Variants in LRIG1 observed in about 807,000 individuals in gnomAD.
The protein encoded by LRIG1 is leucine-rich repeats and immunoglobulin-like domains protein 1.
A neutral mutation model predicts 99.2 loss-of-function variants in LRIG1; 48 were observed. The observed-to-expected ratio is 0.48, with a 90% CI of 0.38 to 0.62. LRIG1 has a LOEUF of 0.62. Ranked by LOEUF, LRIG1 falls within the 20% of genes least tolerant of loss-of-function variation. The pLI is 0.00. For missense variants in LRIG1, 1,646 were observed against 1,434.4 expected (o/e 1.15, Z -2.38); for synonymous variants, 772 against 596.1 (o/e 1.29, Z -4.30).
intron 3 of LRIG1, among the ~76,000 whole-genome samples, chr3:66,445,274 G>GTT (rs112630334): frequency 6.8e-6 from 1 of 146,186 alleles, no homozygotes; most frequent in African/African-American, 2.5e-5. Context: ...TAAAAGTAAG[G>GTT]TTTTTTTTTT....
intron 1 of LRIG1, among the ~76,000 whole-genome samples, chr3:66,472,032 T>C (rs566092648): frequency 1.3e-5 from 2 of 151,768 alleles, no homozygotes; most frequent in East Asian, 3.9e-4. Flanking sequence ...GGGCCAGGCG[T>C]GGTGGCTCAT....
chr3:66,424,419 C>A (rs546539604), intron 3 of LRIG1, among the ~76,000 whole-genome samples: 3 of 152,314 alleles, frequency 2.0e-5, no homozygotes, highest in African/African-American at 7.2e-5. Flanking sequence ...TTCCCACCTC[C>A]TGCCTGAGAG....
intron 8 of LRIG1, chr3:66,405,869 C>A: frequency 9.2e-7 from 1 of 1,089,844 alleles, no homozygotes; most frequent in South Asian, 2.3e-5. Flanking sequence ...TCGCCAGGAT[C>A]AGAGGGATGA....
At chr3:66,418,240 T>C (rs1481671716) in intron 3 of LRIG1, among the ~76,000 whole-genome samples, 7 of 152,270 alleles carry the variant, frequency 4.6e-5, no homozygotes, top group East Asian at 3.9e-4. Flanking sequence ...TACAGGCACG[T>C]GCCACCACAC....
At chr3:66,447,651 G>A (rs1703770822) in intron 3 of LRIG1, among the ~76,000 whole-genome samples, 1 of 152,134 alleles carries the variant, frequency 6.6e-6, no homozygotes, top group Admixed American at 6.5e-5. Flanking sequence ...CCAACCCTAT[G>A]GGTAATATGC....
At chr3:66,382,560 C>T (rs1701140578) in intron 15 of LRIG1, among the ~76,000 whole-genome samples, 162 bp from the exon 16 acceptor site, 1 of 146,214 alleles carries the variant, frequency 6.8e-6, no homozygotes, top group Non-Finnish European at 1.5e-5. Context: ...CCTCCCAGAG[C>T]CTGCTCAGCT....
In LRIG1 at chr3:66,500,268, C is replaced by T. The variant is rs749413557; in HGVS notation, c.140G>A (p.Cys47Tyr). The change falls in exon 1 of 19, where the codon TGC becomes TAC. Residue 47 changes from cysteine (C) to tyrosine (Y), a missense_variant. Transcript: ENST00000273261. Reference protein sequence around the residue: ...PRAPCAAACTCAGDSLDCGGR... With the variant: ...PRAPCAAACTYAGDSLDCGGR... ...ACCGCAGTCCAGCGAGTCCCCAGCG[C>T]AAGTGCAGGCGGCCGCGCAGGGCGC... 1.3e-5 allele frequency: 19 copies of T among 1,499,444 alleles called. No individual in the cohort carries two copies. In the East Asian group the frequency reaches 5.0e-4, roughly 39 times the overall value. The allele number at this position is 1,499,444 out of a possible 1,614,324, so 92.9% of individuals were successfully genotyped here.
chr3:66,394,095 T>C lies in LRIG1; in HGVS notation c.1413A>G (p.Pro471=). 1 of 1,614,128 alleles carries C rather than the reference T, an allele frequency of 6.2e-7. No individual in the cohort carries two copies. The highest frequency in any genetic ancestry group is 8.5e-7 in the Non-Finnish European group (1 of 1,180,002). Residue 471 remains proline (P), a synonymous_variant, in exon 12 of 19, where the codon CCA becomes CCG. Coordinates refer to ENST00000273261, the MANE Select transcript of LRIG1 (RefSeq NM_015541.3). ...AAATGCTCTGACCCTTCAGTGATTC[T>C]GGGTGGGCACAGGTGGCTGTCACAA... ...QAFVTATCAH[P]ESLKGQSIFS... is the part of the protein sequence containing the mutation.
At chr3:66,492,871 A>G (rs751798398) in intron 1 of LRIG1, among the ~76,000 whole-genome samples, 2 of 152,198 alleles carry the variant, frequency 1.3e-5, no homozygotes, top group Non-Finnish European at 2.9e-5. Flanking sequence ...AATCATGGCC[A>G]TTCACTGGGG....
chr3:66,427,139 T>G (rs1183679795), intron 3 of LRIG1, among the ~76,000 whole-genome samples: 3 of 152,198 alleles, frequency 2.0e-5, no homozygotes, highest in Non-Finnish European at 4.4e-5. Flanking sequence ...ACAGGTTTCA[T>G]CAAACTCCAC....
At chr3:66,459,683 T>C (rs907641316) in intron 2 of LRIG1, among the ~76,000 whole-genome samples, 1 of 152,204 alleles carries the variant, frequency 6.6e-6, no homozygotes, top group Non-Finnish European at 1.5e-5. Context: ...CTCAACTTAA[T>C]GTAAACTCAG....
chr3:66,386,750 A>T (rs548084026), intron 12 of LRIG1: 7 of 153,578 alleles, frequency 4.6e-5, no homozygotes, highest in Admixed American at 3.9e-4. Flanking sequence ...ACCTCCATTA[A>T]AACAAGGAAA....
intron 18 of LRIG1, 39 bp downstream of exon 18, chr3:66,380,537 CA>C (rs776013494): frequency 6.2e-7 from 1 of 1,613,424 alleles, no homozygotes; most frequent in Non-Finnish European, 8.5e-7. Flanking sequence ...ACCGTTTAAG[CA>C]GCTCCCAACC....
intron 9 of LRIG1, 44 bp downstream of exon 9, chr3:66,405,154 G>A (rs1702218184): frequency 6.4e-7 from 1 of 1,556,906 alleles, no homozygotes; most frequent in Admixed American, 1.7e-5. Context: ...ACCCAAGTGT[G>A]TCCCGCGCAT....
chr3:66,421,480 G>C (rs146086744), intron 3 of LRIG1, among the ~76,000 whole-genome samples: 1 of 152,050 alleles, frequency 6.6e-6, no homozygotes, highest in Non-Finnish European at 1.5e-5. Context: ...AAAATCCAGC[G>C]GGGCAGTCAT....
chr3:66,395,087 TC>T (rs1268458266), intron 11 of LRIG1, among the ~76,000 whole-genome samples: 1 of 151,938 alleles, frequency 6.6e-6, no homozygotes, highest in African/African-American at 2.4e-5. Flanking sequence ...CAACCAAGAG[TC>T]TAGCTGCCTT....
chr3:66,483,729 A>T (rs1322515560), intron 1 of LRIG1, among the ~76,000 whole-genome samples: 1 of 152,220 alleles, frequency 6.6e-6, no homozygotes, highest in Admixed American at 6.5e-5. Context: ...TCAACTCTGG[A>T]AAAGCAGGCT....
chr3:66,382,111 G>C (rs369956464), intron 16 of LRIG1, among the ~76,000 whole-genome samples, 162 bp downstream of exon 16: 2 of 152,268 alleles, frequency 1.3e-5, no homozygotes, highest in African/African-American at 4.8e-5. Context: ...AACTCATGAA[G>C]ACTGGGTCCA....
intron 13 of LRIG1, among the ~76,000 whole-genome samples, chr3:66,384,980 T>G (rs1253231944): frequency 6.6e-6 from 1 of 152,012 alleles, no homozygotes; most frequent in Admixed American, 6.6e-5. Flanking sequence ...CACTACAGTG[T>G]GGTAAAGAAG....
Sources: allele counts gnomAD v4.1 joint callset (sites outside exome capture counted in the v4.1 genomes callset), GRCh38; gene constraint gnomAD v4.1.1; transcripts MANE v1.5; gene names NCBI Gene and HGNC (gene_info 2026-07-23, HGNC 2026-07-21).